GRM8: variants seen among roughly 807,000 people sequenced by gnomAD.
GRM8 encodes glutamate metabotropic receptor 8.
In GRM8, 47 loss-of-function variants were observed where a neutral mutation model predicts 87.2. The observed-to-expected ratio is 0.54, with a 90% CI of 0.43 to 0.69. GRM8 has a LOEUF of 0.69. Ranked by LOEUF, GRM8 falls within the 30% of genes least tolerant of loss-of-function variation. GRM8 has a pLI of 0.00. For synonymous variants in GRM8, 396 were observed against 404.5 expected (o/e 0.98, Z 0.25); for missense variants, 1,019 against 1,139.2 (o/e 0.89, Z 1.52).
chr7:126,442,252 C>T (rs1801554056), intron 10 of GRM8, among the ~76,000 whole-genome samples: 1 of 152,040 alleles, frequency 6.6e-6, no homozygotes, highest in South Asian at 2.1e-4. Flanking sequence ...TTACTTTCTA[C>T]TTAACCTTTC....
chr7:126,966,034 T>C (rs1302374493), intron 3 of GRM8, among the ~76,000 whole-genome samples: 1 of 152,034 alleles, frequency 6.6e-6, no homozygotes, highest in Non-Finnish European at 1.5e-5. Context: ...ACAGAAGAAA[T>C]AGCACTCTCT....
chr7:127,057,323 C>A (rs551058496), intron 3 of GRM8, among the ~76,000 whole-genome samples: 2 of 152,180 alleles, frequency 1.3e-5, no homozygotes, highest in East Asian at 3.9e-4. Context: ...AAATGTTTCC[C>A]CACTGGATTT....
intron 3 of GRM8, among the ~76,000 whole-genome samples, chr7:126,984,685 ATTAG>A (rs1811874379): frequency 6.6e-6 from 1 of 152,090 alleles, no homozygotes; most frequent in African/African-American, 2.4e-5. Context: ...AATATGTCCT[ATTAG>A]TTCTGTCACT....
At chr7:126,951,393 G>A (rs1277723615) in intron 3 of GRM8, among the ~76,000 whole-genome samples, 6 of 152,008 alleles carry the variant, frequency 3.9e-5, no homozygotes, top group African/African-American at 1.4e-4. Flanking sequence ...CTGGCTCTTA[G>A]AACCACAGTT....
intron 6 of GRM8, among the ~76,000 whole-genome samples, chr7:126,814,962 T>C (rs1327695723): frequency 1.3e-5 from 2 of 152,102 alleles, no homozygotes; most frequent in Non-Finnish European, 2.9e-5. Flanking sequence ...GACTTTGCTG[T>C]TGTCTCTCTA....
At chr7:126,901,219 T>C (rs560131004) in intron 6 of GRM8, among the ~76,000 whole-genome samples, 1 of 152,328 alleles carries the variant, frequency 6.6e-6, no homozygotes, top group African/African-American at 2.4e-5. Context: ...GTCATATCTT[T>C]ACATGACTGA....
intron 2 of GRM8, among the ~76,000 whole-genome samples, chr7:127,236,381 G>T (rs948689707): frequency 6.6e-6 from 1 of 152,178 alleles, no homozygotes; most frequent in Non-Finnish European, 1.5e-5. Context: ...AACGAAAGAG[G>T]TTTAATTGAC....
intron 3 of GRM8, among the ~76,000 whole-genome samples, chr7:127,021,712 C>A (rs752422259): frequency 6.6e-6 from 1 of 151,994 alleles, no homozygotes; most frequent in Admixed American, 6.6e-5. Flanking sequence ...AAAACAGGGA[C>A]CTCAGCTATT....
intron 6 of GRM8, among the ~76,000 whole-genome samples, chr7:126,874,533 G>A (rs182520804): frequency 6.6e-6 from 1 of 152,108 alleles, no homozygotes; most frequent in Admixed American, 6.6e-5. Flanking sequence ...TGACTCAGAT[G>A]CCATACTGAC....
chr7:126,526,055 TA>T (rs1327528271), intron 9 of GRM8, among the ~76,000 whole-genome samples: 1 of 152,134 alleles, frequency 6.6e-6, no homozygotes, highest in Non-Finnish European at 1.5e-5. Context: ...TTTCTCAACA[TA>T]AAAAATATAT....
At chr7:127,130,191 T>G (rs1372349707) in intron 2 of GRM8, among the ~76,000 whole-genome samples, 1 of 152,176 alleles carries the variant, frequency 6.6e-6, no homozygotes, top group Non-Finnish European at 1.5e-5. Context: ...CAATTAAACC[T>G]TTTCTTTATA....
intron 3 of GRM8, among the ~76,000 whole-genome samples, chr7:126,919,518 C>T (rs534429483): frequency 6.6e-6 from 1 of 152,020 alleles, no homozygotes; most frequent in African/African-American, 2.4e-5. Flanking sequence ...ATCTTAAAAA[C>T]TGATTTTTTG....
chr7:126,848,784 G>T (rs1208185085), intron 6 of GRM8, among the ~76,000 whole-genome samples: 1 of 152,140 alleles, frequency 6.6e-6, no homozygotes, highest in Non-Finnish European at 1.5e-5. Flanking sequence ...TTGCACCACT[G>T]TACTCCAGCC....
chr7:127,067,601 A>G (rs1821260279), intron 3 of GRM8, among the ~76,000 whole-genome samples: 1 of 152,228 alleles, frequency 6.6e-6, no homozygotes, highest in South Asian at 2.1e-4. Context: ...GATAAAAGCA[A>G]TGCTTTATTT....
chr7:126,722,174 C>T (rs73720746), intron 7 of GRM8, among the ~76,000 whole-genome samples: 2,830 of 152,226 alleles, frequency 0.019, 59 homozygotes, highest in Middle Eastern at 0.054. Context: ...CTCTCCAGAA[C>T]CCTGCATGAG....
chr7:126,469,391 C>A (rs1323969396), intron 9 of GRM8, among the ~76,000 whole-genome samples: 2 of 151,900 alleles, frequency 1.3e-5, no homozygotes, highest in African/African-American at 4.8e-5. Flanking sequence ...GTCAAGTTAA[C>A]CCCCATGTTG....
intron 2 of GRM8, among the ~76,000 whole-genome samples, chr7:127,160,547 A>G (rs1793041666): frequency 6.6e-6 from 1 of 152,094 alleles, no homozygotes; most frequent in Non-Finnish European, 1.5e-5. Flanking sequence ...ACACACACAC[A>G]CACACACCCC....
At chr7:126,825,008 A>G (rs1264637144) in intron 6 of GRM8, among the ~76,000 whole-genome samples, 1 of 152,222 alleles carries the variant, frequency 6.6e-6, no homozygotes, top group African/African-American at 2.4e-5. Flanking sequence ...GCCACTTGGG[A>G]TAATGTTTGG....
chr7:126,990,784 T>C (rs562985237), intron 3 of GRM8, among the ~76,000 whole-genome samples: 1 of 152,352 alleles, frequency 6.6e-6, no homozygotes, highest in Non-Finnish European at 1.5e-5. Flanking sequence ...TTTCAAGTAC[T>C]TGGCATTGAA....
Sources: gnomAD v4.1 joint callset for allele counts (sites outside exome capture counted in the v4.1 genomes callset) on GRCh38, gnomAD v4.1.1 for gene constraint, MANE v1.5 for transcripts, NCBI Gene and HGNC (gene_info 2026-07-23, HGNC 2026-07-21) for gene names.